ACOD1: variants seen among roughly 807,000 people sequenced by gnomAD.
The protein encoded by ACOD1 is cis-aconitate decarboxylase.
ACOD1 carries 14 observed loss-of-function variants against 14.2 expected under a neutral mutation model. That is an observed-to-expected ratio of 0.99 (90% CI 0.65 to 1.54). The LOEUF is 1.54. Ranked by LOEUF, ACOD1 falls within the 40% of genes most tolerant of loss-of-function variation. ACOD1 has a pLI of 0.00. For missense variants in ACOD1, 530 were observed against 586.3 expected, an observed-to-expected ratio of 0.90 and a Z score of 0.99; for synonymous variants, 182 against 221.7, an observed-to-expected ratio of 0.82 and a Z score of 1.59.
chr13:76,953,490 G>T (rs2033843208), intron 2 of ACOD1, 110 bp from the exon 3 acceptor site: 1 of 657,038 alleles, frequency 1.5e-6, no homozygotes, highest in Non-Finnish European at 2.7e-6. Flanking sequence ...TGTGGCAAAG[G>T]TTCAAGTAAG....
In ACOD1 at chr13:76,957,873, T is replaced by C. The variant is rs957500381; in HGVS notation, c.1334T>C (p.Leu445Pro). 7.1e-6 allele frequency: 11 copies of C among 1,550,896 alleles called. No homozygotes were observed. The African/African-American group carries it at 1.1e-4, about 15-fold the overall frequency. The change falls in exon 5 of 5, where the codon CTA (leucine) becomes CCA (proline). Residue 445 changes from leucine (L) to proline (P), a missense_variant. By Grantham distance (98) the Leu-to-Pro change is moderately conservative. Transcript: ENST00000377462. ...VESLIKIVKN[L>P]EDLEDCSVLT... ...AGCCTTATAAAGATAGTCAAAAATC[T>C]AGAAGACCTAGAAGACTGTTCTGTG...
intron 2 of ACOD1, among the ~76,000 whole-genome samples, chr13:76,952,970 A>G (rs1566205994): frequency 6.6e-6 from 1 of 152,040 alleles, no homozygotes; most frequent in Non-Finnish European, 1.5e-5. Context: ...CCATTTCTAC[A>G]AAAACAAAAA....
chr13:76,956,975 T>C, intron 4 of ACOD1, 35 bp from the exon 5 acceptor site: 1 of 1,518,380 alleles, frequency 6.6e-7, no homozygotes, highest in Non-Finnish European at 8.8e-7. Flanking sequence ...TGGTTACGGT[T>C]TGTACATCTC....
chr13:76,952,217 C>A (rs556570702), intron 1 of ACOD1, among the ~76,000 whole-genome samples: 2 of 152,112 alleles, frequency 1.3e-5, no homozygotes, highest in South Asian at 2.1e-4. Flanking sequence ...CCACCCATCA[C>A]GCAATGCTGT....
intron 1 of ACOD1, 123 bp from the exon 2 acceptor site, chr13:76,952,366 G>T: frequency 1.3e-6 from 1 of 748,004 alleles, no homozygotes; most frequent in Non-Finnish European, 2.1e-6. Flanking sequence ...CTAAATCTGA[G>T]CAACTGGGTT....
chr13:76,955,126 C>CAAAAAAAAAAAA (rs34230053), intron 3 of ACOD1, among the ~76,000 whole-genome samples, 193 bp from the exon 4 acceptor site: 2 of 98,874 alleles, frequency 2.0e-5, no homozygotes, highest in Non-Finnish European at 3.7e-5. Context: ...GACTCTGTCT[C>CAAAAAAAAAAAA]AAAAAAAAAA....
chr13:76,949,936 C>G (rs1311048386), intron 1 of ACOD1, among the ~76,000 whole-genome samples: 1 of 152,160 alleles, frequency 6.6e-6, no homozygotes, highest in Non-Finnish European at 1.5e-5. Flanking sequence ...ACCATCCTTT[C>G]TCTCTCCCAG....
Position 76,955,484 on chromosome 13 carries a change from T to C in ACOD1, c.430T>C (p.Leu144=), listed in dbSNP as rs2033866218. 1 of 1,550,558 alleles carries C rather than the reference T, an allele frequency of 6.4e-7. No individual in the cohort carries two copies. The highest frequency in any genetic ancestry group is 1.4e-5 in the African/African-American group (1 of 73,060). Residue 144 remains leucine (L), a synonymous_variant, in exon 4 of 5, where the codon TTA becomes CTA. Transcript: ENST00000377462. ...TGTTGGTATTGAAGTGCAAGGCCGA[T>C]TACTGCATTTCGCCAAGGAGGCCAA... ...FNVGIEVQGR[L]LHFAKEANDM...
intron 1 of ACOD1, among the ~76,000 whole-genome samples, chr13:76,951,363 G>A (rs1352652899): frequency 6.6e-6 from 1 of 152,130 alleles, no homozygotes; most frequent in African/African-American, 2.4e-5. Flanking sequence ...AGCTTCCTGA[G>A]TAGCTGGGAT....
rs1203167065 is a variant in ACOD1 at position 76,957,629 on chromosome 13, G to C, written c.1090G>C (p.Glu364Gln). The C allele has an allele frequency of 1.3e-6, 2 of 1,550,650 alleles. No homozygotes were observed. The highest frequency in any genetic ancestry group is 8.7e-7 in the Non-Finnish European group (1 of 1,147,020). ...CCAGATCAACAGGCCACAGGTGAGA[G>C]AGCTGCTCAGTAAGGTGGAGCTGGA... ...ECQINRPQVRELLSKVELEYP... is the reference protein window; with the variant it reads ...ECQINRPQVRQLLSKVELEYP... Residue 364 changes from glutamate (E) to glutamine (Q), a missense_variant, in exon 5 of 5, where the codon GAG (glutamate) becomes CAG (glutamine). By Grantham distance (29) the Glu-to-Gln change is conservative. Transcript: ENST00000377462.
At chr13:76,949,395 G>A (rs1033451728) in intron 1 of ACOD1, among the ~76,000 whole-genome samples, 5 of 152,170 alleles carry the variant, frequency 3.3e-5, no homozygotes, top group African/African-American at 1.2e-4. Flanking sequence ...AAGATATTTT[G>A]GAAATAGATG....
Position 76,955,309 on chromosome 13 carries a change from G to A in ACOD1, c.265-10G>A. The A allele has an allele frequency of 6.5e-7, 1 of 1,549,514 alleles. No individual in the cohort carries two copies. Among genetic ancestry groups the A allele is most frequent in the Non-Finnish European group, 8.7e-7 (1 of 1,146,704 alleles). On this transcript the variant is annotated splice_polypyrimidine_tract_variant and intron_variant, in intron 3 of 4. Transcript: ENST00000377462. ...AGGCTTTTTGTTGCTGTTTGTGTCT[G>A]TTTATACAGATTCACTCCATGGATT...
chr13:76,948,692 A>C, intron 1 of ACOD1, 122 bp downstream of exon 1: 1 of 740,978 alleles, frequency 1.3e-6, no homozygotes, highest in Non-Finnish European at 2.2e-6. Context: ...CTTTTCTTTC[A>C]ACCTGTGGGC....
intron 1 of ACOD1, among the ~76,000 whole-genome samples, chr13:76,949,664 C>T (rs1477685344): frequency 6.6e-6 from 1 of 152,070 alleles, no homozygotes; most frequent in African/African-American, 2.4e-5. Flanking sequence ...CATAAGACAC[C>T]CCTGGGTCAG....
intron 1 of ACOD1, among the ~76,000 whole-genome samples, 190 bp downstream of exon 1, chr13:76,948,760 C>A (rs1300796608): frequency 1.3e-5 from 2 of 152,158 alleles, no homozygotes; most frequent in African/African-American, 4.8e-5. Flanking sequence ...ATACATGATT[C>A]TATTGTACAA....
chr13:76,948,785 T>C (rs1327513414), intron 1 of ACOD1, among the ~76,000 whole-genome samples: 2 of 152,258 alleles, frequency 1.3e-5, no homozygotes, highest in Non-Finnish European at 2.9e-5. Context: ...AGGAAGGGAA[T>C]GAATTATGAC....
chr13:76,953,836 T>C (rs185743244), intron 3 of ACOD1, 147 bp downstream of exon 3: 1 of 575,556 alleles, frequency 1.7e-6, no homozygotes, highest in East Asian at 2.8e-5. Context: ...CTCTCTCCTA[T>C]GTAGTAATTC....
rs1417823307 is a variant in ACOD1 at position 76,957,998 on chromosome 13, T to C, written c.*13T>C. On this transcript the variant is annotated 3_prime_UTR_variant, in exon 5 of 5. Transcript: ENST00000377462. ...AAATCTCTCCTGAGGCTTACCAACA[T>C]CTAAATGACTTTGCATTTGGGGAGA... The C allele has an allele frequency of 6.7e-7, 1 of 1,487,888 alleles. No homozygotes were observed. The highest frequency in any genetic ancestry group is 2.5e-5 in the East Asian group (1 of 40,540). The allele number at this position is 1,487,888 out of a possible 1,614,324, so 92.2% of individuals were successfully genotyped here. A position where few individuals can be genotyped will look rare whatever the true frequency, so the allele number is the denominator to read the frequency against.
Position 76,955,327 on chromosome 13 carries a change from C to T in ACOD1, c.273C>T (p.Ser91=), listed in dbSNP as rs2033863811. 4 of 1,550,052 alleles carry T rather than the reference C, an allele frequency of 2.6e-6. No homozygotes were observed. The highest frequency in any genetic ancestry group is 2.4e-5 in the East Asian group (1 of 40,928). Residue 91 remains serine, a synonymous_variant, in exon 4 of 5, where the codon TCC becomes TCT. Transcript: ENST00000377462. ...TGTGTCTGTTTATACAGATTCACTC[C>T]ATGGATTTTGATGACACGTGGCACC... The part of the protein sequence containing the change: ...AAFVNGVAIH[S]MDFDDTWHPA...
Sources: gnomAD v4.1 joint callset for allele counts (sites outside exome capture counted in the v4.1 genomes callset) on GRCh38, gnomAD v4.1.1 for gene constraint, MANE v1.5 for transcripts, NCBI Gene and HGNC (gene_info 2026-07-23, HGNC 2026-07-21) for gene names.